Variants in CSMD2 observed in about 807,000 individuals in gnomAD.
CSMD2 encodes CUB and sushi domain-containing protein 2.
In CSMD2, 130 loss-of-function variants were observed where a neutral mutation model predicts 398.5. That is an observed-to-expected ratio of 0.33 (90% CI 0.28 to 0.38). The LOEUF is 0.38. Ranked by LOEUF, CSMD2 falls within the 10% of genes least tolerant of loss-of-function variation. CSMD2 has a pLI of 1.00. For synonymous variants in CSMD2, 1,828 were observed against 1,908.5 expected, an observed-to-expected ratio of 0.96 and a Z score of 1.10; for missense variants, 3,829 against 4,764.9, an observed-to-expected ratio of 0.80 and a Z score of 5.78.
At chr1:34,133,785 G>C (rs1410272441) in intron 1 of CSMD2, among the ~76,000 whole-genome samples, 1 of 151,654 alleles carries the variant, frequency 6.6e-6, no homozygotes. Flanking sequence ...ATAAAACTCG[G>C]GCAGGCTGGG....
intron 55 of CSMD2, among the ~76,000 whole-genome samples, chr1:33,554,639 C>G (rs1657789813): frequency 6.6e-6 from 1 of 152,130 alleles, no homozygotes; most frequent in Non-Finnish European, 1.5e-5. Context: ...TTTACCCATT[C>G]TGAAAATCCT....
chr1:34,085,583 G>A (rs1657783412), intron 2 of CSMD2, among the ~76,000 whole-genome samples: 1 of 152,102 alleles, frequency 6.6e-6, no homozygotes, highest in Non-Finnish European at 1.5e-5. Flanking sequence ...ATAGTTGGTA[G>A]TCAATTCTAA....
At chr1:33,606,672 C>T (rs1360609682) in intron 41 of CSMD2, among the ~76,000 whole-genome samples, 10 of 152,144 alleles carry the variant, frequency 6.6e-5, no homozygotes, top group Non-Finnish European at 1.5e-4. Context: ...TGGGTCTTTA[C>T]AGAAAGGCTC....
At chr1:33,689,237 C>T (rs1210861719) in intron 25 of CSMD2, among the ~76,000 whole-genome samples, 1 of 152,122 alleles carries the variant, frequency 6.6e-6, no homozygotes, top group African/African-American at 2.4e-5. Context: ...GAGGAAGGGA[C>T]AGTGTCTTGC....
chr1:34,165,769 T>C (rs142482593), upstream of CSMD2: 4,098 of 1,613,922 alleles, frequency 2.5e-3, 6 homozygotes, highest in Non-Finnish European at 3.0e-3. Flanking sequence ...GGTGGTGGCT[T>C]TGAACTTGCC....
chr1:34,061,133 T>C (rs181624629), intron 2 of CSMD2, among the ~76,000 whole-genome samples: 51 of 152,222 alleles, frequency 3.4e-4, no homozygotes, highest in Admixed American at 1.2e-3. Flanking sequence ...TTCTCTGCAA[T>C]GGGGAGAGGG....
At chr1:33,565,178 T>C (rs1031073473) in intron 53 of CSMD2, among the ~76,000 whole-genome samples, 9 of 152,040 alleles carry the variant, frequency 5.9e-5, no homozygotes, top group African/African-American at 2.2e-4. Context: ...TTAACACTGA[T>C]CTAAAATCAC....
chr1:33,984,966 C>G (rs954691627), intron 3 of CSMD2, among the ~76,000 whole-genome samples: 5 of 152,138 alleles, frequency 3.3e-5, no homozygotes, highest in African/African-American at 9.7e-5. Context: ...AAGTATTGCA[C>G]AAATGGGTAA....
intron 3 of CSMD2, among the ~76,000 whole-genome samples, chr1:33,966,262 T>C (rs1485736700): frequency 1.3e-5 from 2 of 152,198 alleles, no homozygotes; most frequent in African/African-American, 2.4e-5. Context: ...AGGCCAACCT[T>C]GATCTCACCT....
At chr1:34,105,261 C>A (rs1490654192) in intron 1 of CSMD2, among the ~76,000 whole-genome samples, 1 of 152,178 alleles carries the variant, frequency 6.6e-6, no homozygotes, top group East Asian at 1.9e-4. Flanking sequence ...GGGAGGCTGT[C>A]CTGTACATAT....
intron 2 of CSMD2, among the ~76,000 whole-genome samples, chr1:34,047,229 G>A (rs1394048154): frequency 3.3e-5 from 5 of 151,974 alleles, no homozygotes; most frequent in South Asian, 2.1e-4. Context: ...CATAACGGCC[G>A]CTTGCTGTTC....
intron 5 of CSMD2, among the ~76,000 whole-genome samples, chr1:33,849,938 T>C (rs536968019): frequency 7.2e-5 from 11 of 152,262 alleles, no homozygotes; most frequent in Non-Finnish European, 1.3e-4. Flanking sequence ...GACCTTATTA[T>C]AGCCTATAAG....
At position 34,163,637 on chromosome 1, in the gene CSMD2, G is replaced by A. The variant is rs922584021; in HGVS notation, c.187+1274C>T. 6.6e-6 allele frequency among the ~76,000 whole-genome samples: 1 copy of A among 151,974 alleles called. No individual in the cohort carries two copies. Among genetic ancestry groups the A allele is most frequent in the Non-Finnish European group, 1.5e-5 (1 of 68,018 alleles). The stretch of plus-strand genomic sequence containing the variant: ...CAAGCCTTCAGAGGTTCAATCGGTG[G>A]TTTCAAAACAAAACAAAACAAAACA... On this transcript the variant is annotated intron_variant, in intron 1 of 70. Coordinates refer to ENST00000373381, the MANE Select transcript of CSMD2 (RefSeq NM_001281956.2). The surrounding 1 kb of genome is among the most constrained non-coding windows in gnomAD (Gnocchi z 5.4).
intron 4 of CSMD2, among the ~76,000 whole-genome samples, chr1:33,919,027 C>T (rs1397922601): frequency 6.6e-6 from 1 of 152,170 alleles, no homozygotes. Flanking sequence ...TTAGAAAGAA[C>T]ACTGGCTATG....
chr1:34,092,932 T>C (rs1658808177), intron 1 of CSMD2, among the ~76,000 whole-genome samples: 1 of 152,048 alleles, frequency 6.6e-6, no homozygotes, highest in Non-Finnish European at 1.5e-5. Context: ...TGCCTGCCTC[T>C]GTAGGCTCCA....
chr1:33,844,003 G>A (rs1192018746), intron 6 of CSMD2, among the ~76,000 whole-genome samples: 1 of 152,092 alleles, frequency 6.6e-6, no homozygotes, highest in Non-Finnish European at 1.5e-5. Context: ...CATCTCTTGC[G>A]GGCTCCTTTG....
At chr1:33,740,829 G>A (rs752170399) in intron 14 of CSMD2, among the ~76,000 whole-genome samples, 23 of 152,068 alleles carry the variant, frequency 1.5e-4, no homozygotes, top group Middle Eastern at 3.2e-3. Flanking sequence ...ACATACACGC[G>A]CGCGCGTGCA....
At chr1:34,063,849 G>C (rs563218017) in intron 2 of CSMD2, among the ~76,000 whole-genome samples, 2 of 152,214 alleles carry the variant, frequency 1.3e-5, no homozygotes, top group Non-Finnish European at 2.9e-5. Context: ...GCAAACTTTT[G>C]CCTGGGCATC....
chr1:33,777,758 G>T (rs1388140704), intron 12 of CSMD2, among the ~76,000 whole-genome samples: 1 of 152,108 alleles, frequency 6.6e-6, no homozygotes, highest in African/African-American at 2.4e-5. Context: ...ACTGAGCTCT[G>T]CCACTCAGCA....
Sources: allele counts gnomAD v4.1 joint callset (sites outside exome capture counted in the v4.1 genomes callset), GRCh38; gene constraint gnomAD v4.1.1; non-coding constraint Gnocchi (gnomAD v3.1); transcripts MANE v1.5; gene names NCBI Gene and HGNC (gene_info 2026-07-23, HGNC 2026-07-21).